The following SBNO2 variants were observed in gnomAD, a reference collection of about 807,000 sequenced individuals.
SBNO2 encodes the protein protein strawberry notch homolog 2.
In SBNO2, 89 loss-of-function variants were observed where a neutral mutation model predicts 146.3. The ratio of observed to expected loss-of-function variants is 0.61; its 90% CI spans 0.51 to 0.73. The LOEUF (loss-of-function observed/expected upper bound fraction) is 0.73, where lower values mean the gene tolerates loss of function less well. SBNO2 is among the 30% of genes least tolerant of loss of function. The pLI is 0.00. For synonymous variants in SBNO2, 1,147 were observed against 892.6 expected (o/e 1.29, Z -5.08); for missense variants, 2,092 against 2,003.7 (o/e 1.04, Z -0.84).
Position 1,110,649 on chromosome 19 carries a change from T to G in SBNO2, c.3028+96A>C. 7.4e-7 allele frequency: 1 copy of G among 1,351,612 alleles called. No individual in the cohort carries two copies. The highest frequency in any genetic ancestry group is 1.6e-5 in the South Asian group (1 of 62,058). 83.7% of individuals were successfully genotyped at this position (1,351,612 alleles called of 1,614,324 possible). A position where few individuals can be genotyped will look rare whatever the true frequency, so the allele number is the denominator to read the frequency against. On this transcript the variant is annotated intron_variant, in intron 26 of 31. Transcript: ENST00000361757. The surrounding 1 kb of genome is among the most constrained non-coding windows in gnomAD (Gnocchi z 4.9). ...CCCCTCGCCCACCCGGGATGCCCGGTGTTCCCACGAGCCCCGAGCCCACCC... is the reference window on the plus strand; with the variant it reads ...CCCCTCGCCCACCCGGGATGCCCGGGGTTCCCACGAGCCCCGAGCCCACCC...
chr19:1,108,161 G>A lies in SBNO2; in HGVS notation c.*59C>T, dbSNP rs111863074. On this transcript the variant is annotated 3_prime_UTR_variant, in exon 32 of 32. Coordinates refer to ENST00000361757, the MANE Select transcript of SBNO2 (RefSeq NM_014963.3). ...GGGGACCTTGGCCCTGCTCCCCACC[G>A]CTGCTCCTAGGGGAGAAACGGTCCC... The A allele has an allele frequency of 2.1e-5, 30 of 1,460,726 alleles. No individual in the cohort carries two copies. The African/African-American group carries it at 2.4e-4, about 12-fold the overall frequency. The allele number at this position is 1,460,726 out of a possible 1,614,324, so 90.5% of individuals were successfully genotyped here.
At chr19:1,162,668 A>G (rs192319415) in intron 1 of SBNO2, among the ~76,000 whole-genome samples, 1 of 152,210 alleles carries the variant, frequency 6.6e-6, no homozygotes, top group Non-Finnish European at 1.5e-5. Context: ...CAACCTCCAG[A>G]CCAAGAGAGG....
intron 4 of SBNO2, among the ~76,000 whole-genome samples, chr19:1,146,460 A>G (rs2080190717): frequency 6.6e-6 from 1 of 151,886 alleles, no homozygotes; most frequent in Admixed American, 6.6e-5. Context: ...CATCCCCCCA[A>G]CAGCTCTGAG....
chr19:1,158,820 A>G lies in SBNO2; in HGVS notation c.-126-4418T>C, dbSNP rs960573310. Among the ~76,000 whole-genome samples the G allele has an allele frequency of 2.0e-5, 3 of 152,204 alleles. No homozygotes were observed. Among genetic ancestry groups the G allele is most frequent in the East Asian group, 3.9e-4 (2 of 5,168 alleles). On this transcript the variant is annotated intron_variant, in intron 1 of 31. Coordinates refer to ENST00000361757, the MANE Select transcript of SBNO2 (RefSeq NM_014963.3). The surrounding 1 kb of genome is among the most constrained non-coding windows in gnomAD (Gnocchi z 9.9). ...GAACCCCGCACAGAGCCACGGCCATAAGACAGAGCGGACTTGCGGCCTCCG... is the reference window on the plus strand; with the variant it reads ...GAACCCCGCACAGAGCCACGGCCATGAGACAGAGCGGACTTGCGGCCTCCG...
rs1235424406 is a variant in SBNO2 at position 1,108,527 on chromosome 19, G to A, written c.3794C>T (p.Ala1265Val). 1 of 1,219,784 alleles carries A rather than the reference G, an allele frequency of 8.2e-7. No homozygotes were observed. The highest frequency in any genetic ancestry group is 1.0e-6 in the Non-Finnish European group (1 of 977,938). The allele number at this position is 1,219,784 out of a possible 1,614,324, so 75.6% of individuals were successfully genotyped here. Residue 1265 changes from alanine (A) to valine (V), a missense_variant, in exon 32 of 32, where the codon GCC (alanine) becomes GTC (valine). By Grantham distance (64) the Ala-to-Val change is moderately conservative. Transcript: ENST00000361757. ...EVLDLTYSPPAEAFPPPPHFS... is the reference protein window; with the variant it reads ...EVLDLTYSPPVEAFPPPPHFS... ...GTGCGGGGGCGGCGGGAAGGCCTCGGCCGGGGGGCTGTAGGTGAGGTCCAG... is the reference window on the plus strand; with the variant it reads ...GTGCGGGGGCGGCGGGAAGGCCTCGACCGGGGGGCTGTAGGTGAGGTCCAG...
intron 1 of SBNO2, among the ~76,000 whole-genome samples, chr19:1,162,631 C>T (rs953419022): frequency 2.6e-5 from 4 of 152,162 alleles, no homozygotes; most frequent in African/African-American, 9.7e-5. Flanking sequence ...GGCCGGCAAC[C>T]TTCTCCCAGC....
Position 1,116,046 on chromosome 19 carries a change from G to T in SBNO2, c.1860C>A (p.Asp620Glu). The T allele has an allele frequency of 6.2e-7, 1 of 1,611,216 alleles. No homozygotes were observed. ...GTTTCCGCTTGCTGCCCGCTCCTCT[G>T]TCCCGCTTTCTCTTGGTGGACGGAA... ...KHFPSTKRKRDRGAGSKRKRR... is the reference protein window; with the variant it reads ...KHFPSTKRKRERGAGSKRKRR... Residue 620 changes from aspartate to glutamate, a missense_variant, in exon 17 of 32, where the codon GAC becomes GAA. Physicochemically the swap from Asp to Glu is conservative, Grantham distance 45. Transcript: ENST00000361757.
intron 5 of SBNO2, among the ~76,000 whole-genome samples, chr19:1,124,404 TGTGTGCCAGCCCC>T (rs1225609508): frequency 6.6e-6 from 1 of 152,004 alleles, no homozygotes; most frequent in Non-Finnish European, 1.5e-5. Flanking sequence ...AGAGACCCAC[TGTGTGCCAGCCCC>T]ATGCAGTGCA....
At chr19:1,119,744 G>A (rs2079877572) in intron 12 of SBNO2, 123 bp from the exon 13 acceptor site, 1 of 994,378 alleles carries the variant, frequency 1.0e-6, no homozygotes, top group Admixed American at 2.1e-5. Flanking sequence ...GGCCTGAAGA[G>A]AGCCAGCGTG....
At chr19:1,149,146 G>A (rs187316677) in intron 3 of SBNO2, among the ~76,000 whole-genome samples, 6 of 144,768 alleles carry the variant, frequency 4.1e-5, no homozygotes, top group African/African-American at 1.3e-4. Flanking sequence ...CTGGGCTCTC[G>A]AGGAGAGGGA....
intron 16 of SBNO2, 84 bp from the exon 17 acceptor site, chr19:1,116,187 G>T: frequency 7.9e-7 from 1 of 1,257,910 alleles, no homozygotes; most frequent in Non-Finnish European, 1.1e-6. Flanking sequence ...CGCACCCCTG[G>T]GTCCCTGTGG....
intron 1 of SBNO2, among the ~76,000 whole-genome samples, chr19:1,169,858 C>T (rs1599891019): frequency 6.6e-6 from 1 of 152,308 alleles, no homozygotes; most frequent in African/African-American, 2.4e-5. Context: ...CTAAGGCAGA[C>T]CACCACAGCT....
chr19:1,119,893 C>T lies in SBNO2; in HGVS notation c.1267+13G>A, dbSNP rs371142042. ...TGCTGCGGGTGGGTCACGTGGGATC[C>T]GCACCGCCCCACCTGTGGCGCTGGC... On this transcript the variant is annotated intron_variant, in intron 12 of 31. Coordinates refer to ENST00000361757, the MANE Select transcript of SBNO2 (RefSeq NM_014963.3). 2.1e-4 allele frequency: 322 copies of T among 1,535,602 alleles called. 1 individual carries two copies. The highest frequency in any genetic ancestry group is 3.1e-4 in the South Asian group (26 of 83,902).
intron 1 of SBNO2, among the ~76,000 whole-genome samples, chr19:1,167,627 G>A (rs897139482): frequency 6.6e-5 from 10 of 152,166 alleles, no homozygotes; most frequent in African/African-American, 2.4e-4. Context: ...CACGCATGAG[G>A]ACATTTGTGA....
At position 1,111,491 on chromosome 19, in the gene SBNO2, A is replaced by G. The variant is rs2079759336; in HGVS notation, c.2809+15T>C. Reference sequence around the variant, plus strand: ...CCCTGCCCCTCCCAGGAAGACCCCCACCAGCCCAGCTTACCCCGGAAGAAG... The same window carrying G: ...CCCTGCCCCTCCCAGGAAGACCCCCGCCAGCCCAGCTTACCCCGGAAGAAG... On this transcript the variant is annotated intron_variant, in intron 24 of 31. Coordinates refer to ENST00000361757, the MANE Select transcript of SBNO2 (RefSeq NM_014963.3). 2.6e-6 allele frequency: 4 copies of G among 1,536,798 alleles called. No homozygotes were observed. The highest frequency in any genetic ancestry group is 3.5e-6 in the Non-Finnish European group (4 of 1,132,032).
chr19:1,170,782 C>T (rs1192536911), intron 1 of SBNO2, among the ~76,000 whole-genome samples: 1 of 151,898 alleles, frequency 6.6e-6, no homozygotes, highest in African/African-American at 2.4e-5. Flanking sequence ...GCACAGGCAA[C>T]ATGCGGGCAC....
chr19:1,150,549 G>A lies in SBNO2; in HGVS notation c.94-1107C>T, dbSNP rs946368306. ...CCACGGTCACGGGGGAGACCCTGCC[G>A]TCACGGACGCCCCCGTGGTCATGGG... On this transcript the variant is annotated intron_variant, in intron 2 of 31. Coordinates refer to ENST00000361757, the MANE Select transcript of SBNO2 (RefSeq NM_014963.3). The surrounding 1 kb of genome is among the most constrained non-coding windows in gnomAD (Gnocchi z 6.2). Among the ~76,000 whole-genome samples the A allele has an allele frequency of 5.3e-5, 8 of 151,966 alleles. No homozygotes were observed. The highest frequency in any genetic ancestry group is 7.4e-5 in the Non-Finnish European group (5 of 67,962).
At chr19:1,119,704 G>A (rs1216424589) in intron 12 of SBNO2, 83 bp from the exon 13 acceptor site, 25 of 1,222,416 alleles carry the variant, frequency 2.0e-5, no homozygotes, top group Non-Finnish European at 2.6e-5. Flanking sequence ...GGGACCACCC[G>A]ACGAGGGGCC....
At position 1,112,338 on chromosome 19, in the gene SBNO2, G is replaced by A; in HGVS notation, c.2516-37C>T. On this transcript the variant is annotated intron_variant, in intron 21 of 31. Transcript: ENST00000361757. The surrounding 1 kb of genome is among the most constrained non-coding windows in gnomAD (Gnocchi z 5.9). ...GCTGCTCTCAGGGCCCGGCCAGGCG[G>A]GGGCGGGGCCGAGACCATGTTGGGG... 1 of 1,566,288 alleles carries A rather than the reference G, an allele frequency of 6.4e-7. No individual in the cohort carries two copies. Among genetic ancestry groups the A allele is most frequent in the Non-Finnish European group, 8.6e-7 (1 of 1,157,722 alleles).
Sources: allele counts gnomAD v4.1 joint callset (sites outside exome capture counted in the v4.1 genomes callset), GRCh38; gene constraint gnomAD v4.1.1; non-coding constraint Gnocchi (gnomAD v3.1); transcripts MANE v1.5; gene names NCBI Gene and HGNC (gene_info 2026-07-23, HGNC 2026-07-21).